Variants in GRIK5 observed in about 807,000 individuals in gnomAD.
GRIK5 encodes glutamate ionotropic receptor kainate type subunit 5, also known as glutamate receptor ionotropic, kainate 5.
Under a neutral mutation model 97.4 loss-of-function variants are expected in GRIK5, and 43 were observed. The ratio of observed to expected loss-of-function variants is 0.44; its 90% CI spans 0.35 to 0.57. GRIK5 has a LOEUF of 0.57. Ranked by LOEUF, GRIK5 falls within the 20% of genes least tolerant of loss-of-function variation. The pLI is 0.01. For missense variants in GRIK5, 1,015 were observed against 1,382.0 expected, an observed-to-expected ratio of 0.73 and a Z score of 4.21; for synonymous variants, 580 against 583.5, an observed-to-expected ratio of 0.99 and a Z score of 0.09.
At chr19:42,061,209 G>A (rs1327106352) in intron 5 of GRIK5, among the ~76,000 whole-genome samples, 1 of 152,084 alleles carries the variant, frequency 6.6e-6, no homozygotes, top group African/African-American at 2.4e-5. Flanking sequence ...CACCACACCC[G>A]GCTAACTTTT....
intron 11 of GRIK5, among the ~76,000 whole-genome samples, chr19:42,048,688 AT>A (rs1010161137): frequency 2.0e-5 from 3 of 152,016 alleles, no homozygotes; most frequent in Non-Finnish European, 4.4e-5. Context: ...ACATATCCCA[AT>A]TTTTTTAAAA....
At position 41,999,207 on chromosome 19, in the gene GRIK5, G is replaced by A. The variant is rs1162445654; in HGVS notation, c.2607C>T (p.Gly869=). Residue 869 remains glycine (G), a synonymous_variant, in exon 20 of 20, where the codon GGC becomes GGT. Coordinates refer to ENST00000593562, the MANE Select transcript of GRIK5 (RefSeq NM_002088.5). This position sits in a 1 kb window ranked among gnomAD's most constrained non-coding sequence, Gnocchi z 5.0. ...SRSRRRRRPG[G]PSRALLSLRA... ...GCAGTGACAGCAGGGCCCGGCTCGGGCCGCCCGGGCGTCGGCGCCGGCGGG... is the reference window on the plus strand; with the variant it reads ...GCAGTGACAGCAGGGCCCGGCTCGGACCGCCCGGGCGTCGGCGCCGGCGGG... 2.1e-5 allele frequency: 32 copies of A among 1,517,868 alleles called. No homozygotes were observed. In the Admixed American group the frequency reaches 2.6e-4, roughly 12 times the overall value. The allele number at this position is 1,517,868 out of a possible 1,614,324, so 94.0% of individuals were successfully genotyped here.
rs540327005 is a variant in GRIK5 at position 42,059,375 on chromosome 19, A to C, written c.661T>G (p.Ser221Ala). ...VSTIIIDANA[S>A]ISHLILRKAS... ...TTACGGAGGATGAGGTGGGAGATGG[A>C]GGCGTTGGCGTCGATGATGATGGTG... is the stretch of plus-strand genomic sequence containing the variant. Residue 221 changes from serine to alanine, a missense_variant, in exon 6 of 20, where the codon TCC (serine) becomes GCC (alanine). Around this residue, in one of 5 missense-constraint regions of GRIK5, gnomAD observed 477 missense variants for 701.1 expected, o/e 0.68. Coordinates refer to ENST00000593562, the MANE Select transcript of GRIK5 (RefSeq NM_002088.5). The C allele has an allele frequency of 6.2e-7, 1 of 1,613,548 alleles. No homozygotes were observed. Among genetic ancestry groups the C allele is most frequent in the South Asian group, 1.1e-5 (1 of 91,066 alleles).
intron 12 of GRIK5, among the ~76,000 whole-genome samples, chr19:42,033,296 C>A (rs936739503): frequency 8.4e-6 from 1 of 118,938 alleles, no homozygotes; most frequent in Admixed American, 1.2e-4. Flanking sequence ...CCAGCCTGGG[C>A]GAGAAAGCAA....
chr19:42,056,626 G>A (rs1486236851), intron 8 of GRIK5, 36 bp downstream of exon 8: 1 of 1,593,304 alleles, frequency 6.3e-7, no homozygotes, highest in South Asian at 1.1e-5. Context: ...TCTGTGCAGA[G>A]TGTTTCTGGG....
intron 5 of GRIK5, among the ~76,000 whole-genome samples, chr19:42,061,562 T>C (rs565752076): frequency 1.5e-4 from 23 of 152,244 alleles, no homozygotes; most frequent in Non-Finnish European, 2.9e-4. Flanking sequence ...TACCCACAAA[T>C]CCACCAGCCT....
chr19:41,998,855 A>G lies in GRIK5; in HGVS notation c.*16T>C. ...CCCTTCGGTCAGTCCGGGCGCCCGCACAGCCCCGCCCGTGGTCACTCGTGC... is the reference window on the plus strand; with the variant it reads ...CCCTTCGGTCAGTCCGGGCGCCCGCGCAGCCCCGCCCGTGGTCACTCGTGC... On this transcript the variant is annotated 3_prime_UTR_variant, in exon 20 of 20. Coordinates refer to ENST00000593562, the MANE Select transcript of GRIK5 (RefSeq NM_002088.5). 1 of 1,112,370 alleles carries G rather than the reference A, an allele frequency of 9.0e-7. No individual in the cohort carries two copies. The highest frequency in any genetic ancestry group is 4.4e-5 in the South Asian group (1 of 22,930). 68.9% of individuals were successfully genotyped at this position (1,112,370 alleles called of 1,614,324 possible). A position where few individuals can be genotyped will look rare whatever the true frequency, so the allele number is the denominator to read the frequency against.
At chr19:42,043,654 C>T (rs550907548) in intron 11 of GRIK5, among the ~76,000 whole-genome samples, 1 of 152,054 alleles carries the variant, frequency 6.6e-6, no homozygotes, top group Non-Finnish European at 1.5e-5. Context: ...TCAAGTGATC[C>T]GCCCACCTCG....
intron 11 of GRIK5, among the ~76,000 whole-genome samples, chr19:42,046,505 A>C (rs146837421): frequency 3.0e-4 from 45 of 152,364 alleles, no homozygotes; most frequent in Non-Finnish European, 5.9e-4. Context: ...GCTGTGCATC[A>C]AAAACGCAGG....
At chr19:42,034,416 T>C (rs1341623980) in intron 12 of GRIK5, among the ~76,000 whole-genome samples, 1 of 152,120 alleles carries the variant, frequency 6.6e-6, no homozygotes, top group Non-Finnish European at 1.5e-5. Context: ...CCACACTCCT[T>C]AGCAGTGACT....
intron 15 of GRIK5, among the ~76,000 whole-genome samples, chr19:42,011,915 C>A (rs1328376636): frequency 6.6e-6 from 1 of 152,086 alleles, no homozygotes; most frequent in Non-Finnish European, 1.5e-5. Context: ...CGTGTTCGTG[C>A]CACTGCACTC....
intron 12 of GRIK5, among the ~76,000 whole-genome samples, chr19:42,036,145 C>T (rs544969254): frequency 1.3e-5 from 2 of 150,178 alleles, no homozygotes; most frequent in South Asian, 2.1e-4. Context: ...CTGTAACCTT[C>T]GCCTCCCAGG....
At chr19:42,018,554 G>C (rs1568891908) in intron 15 of GRIK5, among the ~76,000 whole-genome samples, 1 of 150,486 alleles carries the variant, frequency 6.6e-6, no homozygotes, top group African/African-American at 2.5e-5. Context: ...AGCTACTTGG[G>C]AGGCTGTGGC....
Position 42,006,169 on chromosome 19 carries a change from G to A in GRIK5, c.2038-221C>T, listed in dbSNP as rs938771453. Among the ~76,000 whole-genome samples the A allele has an allele frequency of 6.6e-6, 1 of 152,062 alleles. No homozygotes were observed. The highest frequency in any genetic ancestry group is 1.5e-5 in the Non-Finnish European group (1 of 68,006). On this transcript the variant is annotated intron_variant, in intron 16 of 19. Transcript: ENST00000593562. The surrounding 1 kb of genome is among the most constrained non-coding windows in gnomAD (Gnocchi z 5.3). ...CACTGTGCCCACCACCCACCTGGGG[G>A]GCCCGGTGAGTGCACCTCCACCTCC...
At chr19:42,036,202 G>C (rs1243081220) in intron 12 of GRIK5, among the ~76,000 whole-genome samples, 1 of 151,928 alleles carries the variant, frequency 6.6e-6, no homozygotes, top group African/African-American at 2.4e-5. Flanking sequence ...TGGGATTACA[G>C]GTGCACACCA....
Position 42,053,878 on chromosome 19 carries a change from T to C in GRIK5, c.1108A>G (p.Arg370Gly). Residue 370 changes from arginine (R) to glycine (G), a missense_variant, in exon 10 of 20, where the codon AGA becomes GGA. Arg to Gly is a moderately radical substitution (Grantham distance 125). This residue lies in a region of GRIK5 where 477 missense variants were observed against 701.1 expected (regional missense o/e 0.68). Transcript: ENST00000593562. ...AGGATGCGCAGGGTGTAGTTGGTTC[T>C]CTGCCCTTTGCTGTTGAACTCGACC... ...GRVEFNSKGQ[R>G]TNYTLRILEK... The C allele has an allele frequency of 6.2e-7, 1 of 1,614,064 alleles. No homozygotes were observed. Among genetic ancestry groups the C allele is most frequent in the Non-Finnish European group, 8.5e-7 (1 of 1,179,980 alleles).
At chr19:42,025,582 T>C (rs889024849) in intron 12 of GRIK5, among the ~76,000 whole-genome samples, 1 of 152,034 alleles carries the variant, frequency 6.6e-6, no homozygotes, top group African/African-American at 2.4e-5. Context: ...GACAGAAACA[T>C]GGGGGTTGTC....
Position 42,042,503 on chromosome 19 carries a change from C to A in GRIK5, c.1473+49G>T. The A allele has an allele frequency of 6.6e-7, 1 of 1,514,898 alleles. No individual in the cohort carries two copies. The highest frequency in any genetic ancestry group is 9.0e-7 in the Non-Finnish European group (1 of 1,110,072). The allele number at this position is 1,514,898 out of a possible 1,614,324, so 93.8% of individuals were successfully genotyped here. On this transcript the variant is annotated intron_variant, in intron 12 of 19. Coordinates refer to ENST00000593562, the MANE Select transcript of GRIK5 (RefSeq NM_002088.5). This position sits in a 1 kb window ranked among gnomAD's most constrained non-coding sequence, Gnocchi z 6.9. ...ACTGGCTGCCCAGCTGCCCGCCCTC[C>A]CTCACTCGCCGGGTCCATGCATCTT... is the stretch of plus-strand genomic sequence containing the variant.
rs571185876 is a variant in GRIK5, at chr19:42,021,720, G to A, written c.1697+227C>T. Among the ~76,000 whole-genome samples the A allele has an allele frequency of 2.4e-4, 36 of 152,114 alleles. No individual in the cohort carries two copies. Among genetic ancestry groups the A allele is most frequent in the African/African-American group, 8.7e-4 (36 of 41,498 alleles). ...GGGAGGAGGCAAAAAAGGGAGAGGC[G>A]GGAAGGGGAGAGACCTGAACAGAGA... On this transcript the variant is annotated intron_variant, in intron 14 of 19. Transcript: ENST00000593562. This position sits in a 1 kb window ranked among gnomAD's most constrained non-coding sequence, Gnocchi z 4.2.
Sources: allele counts gnomAD v4.1 joint callset (sites outside exome capture counted in the v4.1 genomes callset), GRCh38; gene constraint gnomAD v4.1.1; regional missense constraint gnomAD v4.1.1; non-coding constraint Gnocchi (gnomAD v3.1); transcripts MANE v1.5; gene names NCBI Gene and HGNC (gene_info 2026-07-23, HGNC 2026-07-21).